SEMA5A: variants seen among roughly 807,000 people sequenced by gnomAD.
The protein encoded by SEMA5A is semaphorin 5A, also known as semaphorin-5A.
Under a neutral mutation model 135.5 loss-of-function variants are expected in SEMA5A, and 55 were observed. That is an observed-to-expected ratio of 0.41 (90% CI 0.33 to 0.51). The LOEUF (loss-of-function observed/expected upper bound fraction) is 0.51, where lower values mean the gene tolerates loss of function less well. Among genes scored for constraint, SEMA5A ranks in the 20% least tolerant of loss-of-function variants. The probability of loss-of-function intolerance (pLI) is 0.37; values close to 1 mark genes in which losing one functional copy is unlikely to be tolerated. For synonymous variants in SEMA5A, 580 were observed against 546.5 expected (o/e 1.06, Z -0.85); for missense variants, 1,290 against 1,419.9 (o/e 0.91, Z 1.47).
intron 9 of SEMA5A, 55 bp downstream of exon 9, chr5:9,201,900 G>C (rs1359327493): frequency 2.0e-6 from 3 of 1,494,730 alleles, no homozygotes; most frequent in African/African-American, 2.8e-5. Flanking sequence ...AAGAACAGAA[G>C]ACTTATTCAG....
chr5:9,157,132 C>G (rs1260271385), intron 11 of SEMA5A, among the ~76,000 whole-genome samples: 1 of 152,096 alleles, frequency 6.6e-6, no homozygotes, highest in Non-Finnish European at 1.5e-5. Flanking sequence ...TGTGACGAGT[C>G]CCCTCCACAG....
intron 13 of SEMA5A, among the ~76,000 whole-genome samples, chr5:9,132,146 T>C (rs899015041): frequency 6.6e-6 from 1 of 152,212 alleles, no homozygotes; most frequent in Non-Finnish European, 1.5e-5. Context: ...TCATCTGTAC[T>C]ATAGAAACCC....
chr5:9,379,998 T>G lies in SEMA5A; in HGVS notation c.-52A>C, dbSNP rs1805243. 1.3e-5 allele frequency: 20 copies of G among 1,558,980 alleles called. No homozygotes were observed. The African/African-American group carries it at 2.8e-4, about 21-fold the overall frequency. On this transcript the variant is annotated 5_prime_UTR_variant, in exon 3 of 23. Transcript: ENST00000382496. ...GCACGTGTCTTCTAAACAGAAGCTC[T>G]TCTTCTCCTCATGTGTGGAAAGTGC...
chr5:9,175,355 C>A (rs1744146236), intron 11 of SEMA5A, among the ~76,000 whole-genome samples: 1 of 152,074 alleles, frequency 6.6e-6, no homozygotes, highest in Non-Finnish European at 1.5e-5. Flanking sequence ...CAGTTAGGCA[C>A]ATGTTTATGC....
intron 1 of SEMA5A, among the ~76,000 whole-genome samples, chr5:9,499,156 G>T (rs1045790149): frequency 3.9e-5 from 6 of 152,156 alleles, no homozygotes; most frequent in Non-Finnish European, 7.3e-5. Context: ...GTCCTGAAAT[G>T]GTTAACTGGC....
chr5:9,239,692 A>G lies in SEMA5A; in HGVS notation c.271-1802T>C, dbSNP rs192488166. 2.3e-3 allele frequency among the ~76,000 whole-genome samples: 356 copies of G among 152,194 alleles called. 1 individual carries two copies. The highest frequency in any genetic ancestry group is 4.2e-3 in the Non-Finnish European group (286 of 67,948). ...TTCTTTCAGCAGAGTAAAACTCATTATAACTTTGATTGTGTATTGCCAGAG... is the reference window on the plus strand; with the variant it reads ...TTCTTTCAGCAGAGTAAAACTCATTGTAACTTTGATTGTGTATTGCCAGAG... On this transcript the variant is annotated intron_variant, in intron 5 of 22. Coordinates refer to ENST00000382496, the MANE Select transcript of SEMA5A (RefSeq NM_003966.3).
At position 9,127,716 on chromosome 5, in the gene SEMA5A, G is replaced by A. The variant is rs369127660; in HGVS notation, c.1600-4879C>T. On this transcript the variant is annotated intron_variant, in intron 13 of 22. Transcript: ENST00000382496. ...ATATTAATCAGAAACATTTGACATG[G>A]CAGAATTGGGACAAATTAGAGAATT... is the stretch of plus-strand genomic sequence containing the variant. Among the ~76,000 whole-genome samples the A allele has an allele frequency of 7.9e-5, 12 of 152,098 alleles. No individual in the cohort carries two copies. The East Asian group carries it at 1.2e-3, about 15-fold the overall frequency.
intron 1 of SEMA5A, among the ~76,000 whole-genome samples, chr5:9,440,739 C>G (rs1256850033): frequency 2.0e-5 from 3 of 152,222 alleles, no homozygotes; most frequent in Admixed American, 2.0e-4. Context: ...AAATATGCAA[C>G]CTTCTCCCTG....
intron 3 of SEMA5A, among the ~76,000 whole-genome samples, chr5:9,357,559 C>T (rs1754507248): frequency 6.6e-6 from 1 of 152,148 alleles, no homozygotes; most frequent in South Asian, 2.1e-4. Flanking sequence ...ATTAAAAATA[C>T]CCAGGGAGAG....
intron 1 of SEMA5A, among the ~76,000 whole-genome samples, chr5:9,486,406 C>A (rs1331030481): frequency 6.6e-6 from 1 of 152,112 alleles, no homozygotes; most frequent in African/African-American, 2.4e-5. Context: ...CGAACCTGCA[C>A]GTTCTGCACA....
At chr5:9,048,147 C>T (rs1048680943) in intron 21 of SEMA5A, among the ~76,000 whole-genome samples, 1 of 152,154 alleles carries the variant, frequency 6.6e-6, no homozygotes, top group African/African-American at 2.4e-5. Context: ...AGTCCTGGAC[C>T]CTGGGTGTTG....
At chr5:9,405,201 A>C (rs1225251216) in intron 2 of SEMA5A, among the ~76,000 whole-genome samples, 1 of 152,232 alleles carries the variant, frequency 6.6e-6, no homozygotes, top group Admixed American at 6.5e-5. Context: ...GCCCTTCCTG[A>C]GGATGGGAAT....
intron 8 of SEMA5A, among the ~76,000 whole-genome samples, chr5:9,207,112 A>G (rs1211139367): frequency 1.9e-4 from 16 of 84,796 alleles, no homozygotes; most frequent in Non-Finnish European, 3.8e-4. Context: ...GTATATATAT[A>G]TATATATATA....
intron 1 of SEMA5A, among the ~76,000 whole-genome samples, chr5:9,460,955 C>T (rs16882845): frequency 0.3 from 45,638 of 151,994 alleles, 7,233 homozygotes; most frequent in East Asian, 0.54. Flanking sequence ...CAATTTTTCC[C>T]TCAATTTGCT....
intron 3 of SEMA5A, among the ~76,000 whole-genome samples, chr5:9,376,914 G>C (rs1755383903): frequency 6.6e-6 from 1 of 152,040 alleles, no homozygotes. Flanking sequence ...TCACCCTTTG[G>C]CCCAGAAATC....
rs147909953 is a variant in SEMA5A at position 9,302,996 on chromosome 5, T to C, written c.270+15376A>G. Among the ~76,000 whole-genome samples, 62 of 152,162 alleles carry C rather than the reference T, an allele frequency of 4.1e-4. 3 individuals carry two copies. In the East Asian group the frequency reaches 7.7e-3, roughly 19 times the overall value. On this transcript the variant is annotated intron_variant, in intron 5 of 22. Transcript: ENST00000382496. ...CAATTTGGGAAATTATGGTAAAGTA[T>C]AAAATGAAAAATCCAAACCACTCAC...
intron 4 of SEMA5A, among the ~76,000 whole-genome samples, chr5:9,318,982 T>C (rs944856250): frequency 6.6e-6 from 1 of 152,164 alleles, no homozygotes; most frequent in Admixed American, 6.5e-5. Context: ...GAGGATATTT[T>C]GATCCTGAGA....
intron 2 of SEMA5A, among the ~76,000 whole-genome samples, chr5:9,429,983 C>T (rs1436185545): frequency 1.3e-5 from 2 of 152,154 alleles, no homozygotes. Flanking sequence ...GCAGAAGCAG[C>T]GAGACGGCCG....
At chr5:9,173,962 C>T (rs1023697169) in intron 11 of SEMA5A, among the ~76,000 whole-genome samples, 6 of 152,216 alleles carry the variant, frequency 3.9e-5, no homozygotes, top group African/African-American at 1.4e-4. Context: ...CAGAAAATAC[C>T]ATACTTAAGA....
Sources: gnomAD v4.1 joint callset for allele counts (sites outside exome capture counted in the v4.1 genomes callset) on GRCh38, gnomAD v4.1.1 for gene constraint, MANE v1.5 for transcripts, NCBI Gene and HGNC (gene_info 2026-07-23, HGNC 2026-07-21) for gene names.